OPCML: variants seen among roughly 807,000 people sequenced by gnomAD.
OPCML encodes the protein opioid-binding protein/cell adhesion molecule.
Under a neutral mutation model 37.8 loss-of-function variants are expected in OPCML, and 13 were observed. The ratio of observed to expected loss-of-function variants is 0.34; its 90% CI spans 0.22 to 0.55. The LOEUF (loss-of-function observed/expected upper bound fraction) is 0.55. OPCML is among the 20% of genes least tolerant of loss of function. The probability of loss-of-function intolerance (pLI) is 0.91; values close to 1 mark genes in which losing one functional copy is unlikely to be tolerated. For missense variants in OPCML, 341 were observed against 435.6 expected (o/e 0.78, Z 1.93); for synonymous variants, 176 against 168.8 (o/e 1.04, Z -0.33).
intron 1 of OPCML, among the ~76,000 whole-genome samples, chr11:133,032,261 A>G (rs760796996): frequency 2.6e-5 from 4 of 152,170 alleles, no homozygotes; most frequent in Non-Finnish European, 4.4e-5. Context: ...AATGACTCAA[A>G]TCTGGCCAAT....
intron 2 of OPCML, among the ~76,000 whole-genome samples, chr11:132,783,322 C>T (rs1947097567): frequency 6.6e-6 from 1 of 152,106 alleles, no homozygotes; most frequent in Admixed American, 6.5e-5. Context: ...GTGCCCTTTA[C>T]TCTTCCAATA....
Position 132,804,332 on chromosome 11 carries a change from C to T in OPCML, c.146+138594G>A, listed in dbSNP as rs1047393026. On this transcript the variant is annotated intron_variant, in intron 2 of 7. Coordinates refer to ENST00000524381, the MANE Select transcript of OPCML (RefSeq NM_001012393.5). ...CAAGTGGAAAAATCATATTTCAAAG[C>T]AGCTGGAGATTCTAGAATTTACAAG... is the stretch of plus-strand genomic sequence containing the variant. Among the ~76,000 whole-genome samples, 25 of 152,254 alleles carry T rather than the reference C, an allele frequency of 1.6e-4. 1 individual carries two copies. Among genetic ancestry groups the T allele is most frequent in the Admixed American group, 1.2e-3 (19 of 15,286 alleles).
chr11:133,354,103 T>C (rs991108246), intron 1 of OPCML, among the ~76,000 whole-genome samples: 3 of 119,856 alleles, frequency 2.5e-5, no homozygotes, highest in Non-Finnish European at 3.6e-5. Context: ...GCTTTTCTAG[T>C]GTTCCAGATT....
chr11:133,480,963 G>A (rs1426176820), intron 1 of OPCML, among the ~76,000 whole-genome samples: 2 of 152,178 alleles, frequency 1.3e-5, no homozygotes, highest in African/African-American at 4.8e-5. Context: ...TACATGCCAT[G>A]GCACCAAGAA....
chr11:133,098,975 G>T lies in OPCML; in HGVS notation c.62-155965C>A, dbSNP rs149177243. Among the ~76,000 whole-genome samples the T allele has an allele frequency of 1.6e-3, 243 of 152,158 alleles. 4 individuals carry two copies. The East Asian group carries it at 0.043, about 27-fold the overall frequency. On this transcript the variant is annotated intron_variant, in intron 1 of 7. Transcript: ENST00000524381. ...AAACCAACTTAGCAATTATAGCAAG[G>T]TTACAGGATGTAAGGTTAATATACA...
At chr11:133,221,523 G>A (rs940542384) in intron 1 of OPCML, among the ~76,000 whole-genome samples, 1 of 152,178 alleles carries the variant, frequency 6.6e-6, no homozygotes, top group Non-Finnish European at 1.5e-5. Context: ...ATGGTGGGGG[G>A]TATTCGGAAA....
chr11:133,453,658 G>T (rs1298526086), intron 1 of OPCML, among the ~76,000 whole-genome samples: 3 of 152,116 alleles, frequency 2.0e-5, no homozygotes, highest in African/African-American at 7.2e-5. Context: ...CCTAAACACA[G>T]CTCAGCCACA....
At chr11:133,395,486 G>C (rs983666410) in intron 1 of OPCML, among the ~76,000 whole-genome samples, 6 of 152,132 alleles carry the variant, frequency 3.9e-5, no homozygotes, top group Non-Finnish European at 7.4e-5. Flanking sequence ...CAATGTCCTG[G>C]AAAGTTTCCC....
chr11:133,326,506 G>A (rs1565573452), intron 1 of OPCML, among the ~76,000 whole-genome samples: 1 of 137,636 alleles, frequency 7.3e-6, no homozygotes, highest in African/African-American at 3.0e-5. Flanking sequence ...GTGTGTATGT[G>A]TGGGAGTGTG....
chr11:133,423,536 G>A, intron 1 of OPCML: 1 of 951,208 alleles, frequency 1.1e-6, no homozygotes, highest in Non-Finnish European at 1.3e-6. Flanking sequence ...CTAACGAGAA[G>A]TCCTCAAAGG....
chr11:133,164,050 T>A (rs1950178010), intron 1 of OPCML, among the ~76,000 whole-genome samples: 1 of 152,196 alleles, frequency 6.6e-6, no homozygotes, highest in South Asian at 2.1e-4. Context: ...TTCTGCCTAT[T>A]TCACAAAGGG....
intron 2 of OPCML, among the ~76,000 whole-genome samples, chr11:132,861,523 G>A (rs1206047600): frequency 1.3e-5 from 2 of 152,206 alleles, no homozygotes; most frequent in East Asian, 1.9e-4. Flanking sequence ...CTGGCACAGT[G>A]TATGAGATCC....
At chr11:132,503,089 C>A (rs1228969954) in intron 4 of OPCML, among the ~76,000 whole-genome samples, 2 of 152,176 alleles carry the variant, frequency 1.3e-5, no homozygotes, top group East Asian at 3.9e-4. Context: ...CTATTCTACA[C>A]TGCCAGTGCA....
intron 2 of OPCML, among the ~76,000 whole-genome samples, chr11:132,817,733 A>G (rs926651608): frequency 6.6e-6 from 1 of 152,086 alleles, no homozygotes; most frequent in Non-Finnish European, 1.5e-5. Flanking sequence ...TTTAGACTGT[A>G]ATGAGTGCCT....
chr11:133,123,631 G>A (rs897607288), intron 1 of OPCML, among the ~76,000 whole-genome samples: 3 of 152,010 alleles, frequency 2.0e-5, no homozygotes, highest in Non-Finnish European at 4.4e-5. Context: ...CAACACAGGG[G>A]TCCAGATGGA....
intron 2 of OPCML, among the ~76,000 whole-genome samples, chr11:132,720,597 A>G (rs1443625507): frequency 6.6e-6 from 1 of 152,162 alleles, no homozygotes; most frequent in Non-Finnish European, 1.5e-5. Flanking sequence ...TCATCAGCAT[A>G]TATATATTTC....
chr11:132,437,157 C>G, intron 5 of OPCML, 65 bp downstream of exon 5: 1 of 1,582,578 alleles, frequency 6.3e-7, no homozygotes, highest in Non-Finnish European at 8.6e-7. Context: ...CTGCCATTAC[C>G]AGATTGTCCA....
At chr11:132,935,964 T>G (rs1945354230) in intron 2 of OPCML, among the ~76,000 whole-genome samples, 1 of 152,334 alleles carries the variant, frequency 6.6e-6, no homozygotes, top group South Asian at 2.1e-4. Flanking sequence ...GTACAACATT[T>G]AGGGCAGGTT....
intron 2 of OPCML, among the ~76,000 whole-genome samples, chr11:132,806,168 T>C (rs1257515612): frequency 6.6e-6 from 1 of 152,016 alleles, no homozygotes; most frequent in South Asian, 2.1e-4. Flanking sequence ...TGGATTAACA[T>C]AGGAGGCTGG....
Sources: gnomAD v4.1 joint callset for allele counts (sites outside exome capture counted in the v4.1 genomes callset) on GRCh38, gnomAD v4.1.1 for gene constraint, MANE v1.5 for transcripts, NCBI Gene and HGNC (gene_info 2026-07-23, HGNC 2026-07-21) for gene names.